The following NTM variants were observed in gnomAD, a reference collection of about 807,000 sequenced individuals.
The protein encoded by NTM is neurotrimin.
In NTM, 13 loss-of-function variants were observed where a neutral mutation model predicts 42.1. The ratio of observed to expected loss-of-function variants is 0.31; its 90% CI spans 0.20 to 0.49. NTM has a LOEUF of 0.49. Ranked by LOEUF, NTM falls within the 20% of genes least tolerant of loss-of-function variation. The pLI is 0.99. For synonymous variants in NTM, 187 were observed against 179.2 expected (o/e 1.04, Z -0.35); for missense variants, 373 against 452.8 (o/e 0.82, Z 1.60).
At chr11:132,052,981 A>G (rs1594149130) in intron 2 of NTM, among the ~76,000 whole-genome samples, 1 of 152,176 alleles carries the variant, frequency 6.6e-6, no homozygotes, top group East Asian at 1.9e-4. Flanking sequence ...AACAACAACA[A>G]AATACTGCTT....
At chr11:131,793,422 T>A (rs1218912691) in intron 1 of NTM, among the ~76,000 whole-genome samples, 3 of 152,214 alleles carry the variant, frequency 2.0e-5, no homozygotes, top group Non-Finnish European at 4.4e-5. Context: ...GAGAGACAGA[T>A]ACACTGTGCC....
At position 132,036,947 on chromosome 11, in the gene NTM, C is replaced by T. The variant is rs116593534; in HGVS notation, c.168-109335C>T. Among the ~76,000 whole-genome samples the T allele has an allele frequency of 3.1e-3, 465 of 152,204 alleles. 4 individuals carry two copies. Among genetic ancestry groups the T allele is most frequent in the African/African-American group, 0.011 (443 of 41,524 alleles). The stretch of plus-strand genomic sequence containing the variant: ...TATCCTGGGGTCAGCACTGAATGCA[C>T]GTCAGGAGACCTGAGTCCTGTCTCA... On this transcript the variant is annotated intron_variant, in intron 2 of 8. Transcript: ENST00000683400.
intron 1 of NTM, among the ~76,000 whole-genome samples, chr11:131,589,752 C>G (rs910079453): frequency 3.9e-5 from 6 of 152,322 alleles, no homozygotes; most frequent in South Asian, 2.1e-4. Flanking sequence ...CACCAGGTCA[C>G]TGCCTGGCCT....
At chr11:131,925,386 T>TTTC (rs1565749726) in intron 2 of NTM, among the ~76,000 whole-genome samples, 2 of 141,550 alleles carry the variant, frequency 1.4e-5, no homozygotes, top group African/African-American at 5.2e-5. Context: ...CTTTTCTCTT[T>TTTC]TTTTTTTTTT....
chr11:131,387,317 C>T (rs1176974914), intron 1 of NTM, among the ~76,000 whole-genome samples: 7 of 150,468 alleles, frequency 4.7e-5, no homozygotes, highest in Non-Finnish European at 7.4e-5. Flanking sequence ...TCTCTCTCTC[C>T]CTCTCTCTCT....
At chr11:131,607,610 C>A (rs1592207538) in intron 1 of NTM, among the ~76,000 whole-genome samples, 1 of 152,132 alleles carries the variant, frequency 6.6e-6, no homozygotes, top group Non-Finnish European at 1.5e-5. Context: ...GTTAGCAGAG[C>A]CTGCCTGTAA....
At chr11:131,542,037 A>G (rs2053336869) in intron 1 of NTM, among the ~76,000 whole-genome samples, 1 of 152,234 alleles carries the variant, frequency 6.6e-6, no homozygotes. Flanking sequence ...TGGTAGCTAC[A>G]GCATGCCAGG....
chr11:131,605,869 C>G, intron 1 of NTM: 1 of 983,512 alleles, frequency 1.0e-6, no homozygotes, highest in Non-Finnish European at 1.2e-6. Context: ...TCACCTGAGG[C>G]AGCTTCACCA....
chr11:132,081,215 G>A (rs1457503803), intron 2 of NTM, among the ~76,000 whole-genome samples: 3 of 152,188 alleles, frequency 2.0e-5, no homozygotes, highest in Admixed American at 1.3e-4. Context: ...ACTTGGAAAT[G>A]AGAATGGATA....
chr11:132,012,869 A>G (rs191943895), intron 2 of NTM, among the ~76,000 whole-genome samples: 1 of 152,256 alleles, frequency 6.6e-6, no homozygotes, highest in East Asian at 1.9e-4. Context: ...CAGGAAGAGG[A>G]AGCACTGCTG....
At chr11:131,793,819 A>G (rs2091245115) in intron 1 of NTM, among the ~76,000 whole-genome samples, 2 of 152,328 alleles carry the variant, frequency 1.3e-5, no homozygotes, top group South Asian at 2.1e-4. Context: ...GAGCATCAGC[A>G]TACGGGCTGA....
At chr11:131,779,668 C>T (rs1195775190) in intron 1 of NTM, among the ~76,000 whole-genome samples, 2 of 152,174 alleles carry the variant, frequency 1.3e-5, no homozygotes, top group African/African-American at 4.8e-5. Context: ...ACCAGTGGAG[C>T]AGGGGAGACA....
intron 2 of NTM, among the ~76,000 whole-genome samples, chr11:132,117,897 A>G (rs556721468): frequency 1.3e-5 from 2 of 152,364 alleles, no homozygotes; most frequent in East Asian, 3.9e-4. Flanking sequence ...TGTTAGTTAT[A>G]GGTATCTGTC....
chr11:131,896,084 T>A (rs894452119), intron 1 of NTM, among the ~76,000 whole-genome samples: 1 of 152,180 alleles, frequency 6.6e-6, no homozygotes, highest in African/African-American at 2.4e-5. Context: ...CCACTGAAAC[T>A]TCCTACATAA....
intron 4 of NTM, among the ~76,000 whole-genome samples, chr11:132,287,607 A>G (rs529577471): frequency 7.9e-4 from 121 of 152,284 alleles, no homozygotes; most frequent in Non-Finnish European, 1.2e-3. Context: ...AAAAAATACA[A>G]TTTCAGGGAG....
intron 1 of NTM, among the ~76,000 whole-genome samples, chr11:131,372,046 TGA>T (rs749118661): frequency 1.3e-5 from 2 of 152,220 alleles, no homozygotes; most frequent in Non-Finnish European, 2.9e-5. Flanking sequence ...TGATCTGGAC[TGA>T]GTCCTGAGCT....
intron 1 of NTM, among the ~76,000 whole-genome samples, chr11:131,698,572 T>C (rs992109647): frequency 1.3e-5 from 2 of 151,948 alleles, no homozygotes; most frequent in African/African-American, 2.4e-5. Flanking sequence ...ACATTTCCCA[T>C]TGGAAAAAAA....
intron 2 of NTM, among the ~76,000 whole-genome samples, chr11:131,933,530 G>T (rs1206978628): frequency 1.3e-5 from 2 of 152,112 alleles, no homozygotes; most frequent in Non-Finnish European, 2.9e-5. Flanking sequence ...GATTATTTAA[G>T]GTTATGCAGT....
At chr11:132,280,066 T>C (rs1046214797) in intron 4 of NTM, among the ~76,000 whole-genome samples, 3 of 152,352 alleles carry the variant, frequency 2.0e-5, no homozygotes, top group South Asian at 4.1e-4. Flanking sequence ...AACATCAGCG[T>C]TGAATTTTTA....
Sources: allele counts gnomAD v4.1 joint callset (sites outside exome capture counted in the v4.1 genomes callset), GRCh38; gene constraint gnomAD v4.1.1; transcripts MANE v1.5; gene names NCBI Gene and HGNC (gene_info 2026-07-23, HGNC 2026-07-21).